Variants in CSF3R observed in about 807,000 individuals in gnomAD.
The protein encoded by CSF3R is granulocyte colony-stimulating factor receptor.
A neutral mutation model predicts 84.4 loss-of-function variants in CSF3R; 52 were observed. The ratio of observed to expected loss-of-function variants is 0.62; its 90% CI spans 0.49 to 0.78. The LOEUF is 0.78. CSF3R is among the 30% of genes least tolerant of loss of function. The pLI, the probability that CSF3R is intolerant of heterozygous loss-of-function variation, is 0.00. For synonymous variants in CSF3R, 384 were observed against 429.1 expected, an observed-to-expected ratio of 0.89 and a Z score of 1.30; for missense variants, 890 against 1,055.7, an observed-to-expected ratio of 0.84 and a Z score of 2.17.
At chr1:36,475,746 A>T in intron 3 of CSF3R, 73 bp from the exon 4 acceptor site, 1 of 1,428,158 alleles carries the variant, frequency 7.0e-7, no homozygotes, top group Non-Finnish European at 9.5e-7. Flanking sequence ...AGGCCTTTGT[A>T]CTCCTAGACT....
chr1:36,478,046 C>T (rs920292132), intron 3 of CSF3R, among the ~76,000 whole-genome samples: 1 of 152,020 alleles, frequency 6.6e-6, no homozygotes, highest in Non-Finnish European at 1.5e-5. Flanking sequence ...GCGTGAGCCA[C>T]CGCGCCCGGC....
chr1:36,476,029 A>G (rs188530141), intron 3 of CSF3R: 4 of 222,310 alleles, frequency 1.8e-5, no homozygotes, highest in Admixed American at 1.0e-4. Flanking sequence ...AGTTTTTGCA[A>G]GCCAGCACCA....
Position 36,467,432 on chromosome 1 carries a change from G to A in CSF3R, c.1959-121C>T. 2 of 1,402,860 alleles carry A rather than the reference G, an allele frequency of 1.4e-6. No homozygotes were observed. Among genetic ancestry groups the A allele is most frequent in the South Asian group, 1.2e-5 (1 of 86,614 alleles). The allele number at this position is 1,402,860 out of a possible 1,614,324, so 86.9% of individuals were successfully genotyped here. A position where few individuals can be genotyped will look rare whatever the true frequency, so the allele number is the denominator to read the frequency against. On this transcript the variant is annotated intron_variant, in intron 15 of 16. Transcript: ENST00000373106. This position sits in a 1 kb window ranked among gnomAD's most constrained non-coding sequence, Gnocchi z 4.1. ...TTAGTGCAGAGAGAAGAAGCTGGGG[G>A]CTGGGACTCTCAGACATGGGCCCCA...
chr1:36,468,065 A>G lies in CSF3R; in HGVS notation c.1723+10T>C, dbSNP rs752113001. On this transcript the variant is annotated intron_variant, in intron 13 of 16. Transcript: ENST00000373106. ...TTCTGGGGCTGTGGGGGAACTGAGG[A>G]TAGACTCACAGAAGGACTGGTTCTG... 2 of 1,614,232 alleles carry G rather than the reference A, an allele frequency of 1.2e-6. No individual in the cohort carries two copies. The highest frequency in any genetic ancestry group is 1.7e-6 in the Non-Finnish European group (2 of 1,180,036).
Position 36,475,270 on chromosome 1 carries a change from G to T in CSF3R, c.361+107C>A. 3 of 1,401,884 alleles carry T rather than the reference G, an allele frequency of 2.1e-6. No individual in the cohort carries two copies. The South Asian group carries it at 3.5e-5, about 16-fold the overall frequency. 86.8% of individuals were successfully genotyped at this position (1,401,884 alleles called of 1,614,324 possible). On this transcript the variant is annotated intron_variant, in intron 4 of 16. Coordinates refer to ENST00000373106, the MANE Select transcript of CSF3R (RefSeq NM_000760.4). ...GATCCGCCTGCCTCGGCCTCCCAAA[G>T]TGCTGGGAATACAGGCGTGAGCCAA...
intron 3 of CSF3R, chr1:36,479,032 G>A: frequency 2.9e-6 from 1 of 342,890 alleles, no homozygotes; most frequent in South Asian, 2.4e-5. Flanking sequence ...TCAAGACAGA[G>A]TTTCCATGGT....
In CSF3R at chr1:36,472,747, C is replaced by T. The variant is rs937425702; in HGVS notation, c.674-61G>A. ...CCCACCCTAGAGGGCTCTGCCTTAG[C>T]TCCCTCTTGTCTCCCTGTCTGTGGT... On this transcript the variant is annotated intron_variant, in intron 6 of 16. Coordinates refer to ENST00000373106, the MANE Select transcript of CSF3R (RefSeq NM_000760.4). The surrounding 1 kb of genome is among the most constrained non-coding windows in gnomAD (Gnocchi z 5.0). 7 of 1,464,182 alleles carry T rather than the reference C, an allele frequency of 4.8e-6. No individual in the cohort carries two copies. The Admixed American group carries it at 7.9e-5, about 16-fold the overall frequency. 90.7% of individuals were successfully genotyped at this position (1,464,182 alleles called of 1,614,324 possible).
intron 6 of CSF3R, chr1:36,473,053 T>G: frequency 2.5e-6 from 1 of 399,732 alleles, no homozygotes. Flanking sequence ...TTCTCCTCCT[T>G]TAATTTCTCC....
chr1:36,467,982 A>G lies in CSF3R; in HGVS notation c.1724-20T>C, dbSNP rs1441771492. ...TGGCGGCTGGGAGGGGTGTACGGTCAGCATAGGCCTGGATGGTAAAGCTGC... is the reference window on the plus strand; with the variant it reads ...TGGCGGCTGGGAGGGGTGTACGGTCGGCATAGGCCTGGATGGTAAAGCTGC... On this transcript the variant is annotated intron_variant, in intron 13 of 16. Transcript: ENST00000373106. The surrounding 1 kb of genome is among the most constrained non-coding windows in gnomAD (Gnocchi z 4.1). The G allele has an allele frequency of 3.7e-6, 6 of 1,614,108 alleles. No homozygotes were observed. Among genetic ancestry groups the G allele is most frequent in the African/African-American group, 1.3e-5 (1 of 74,940 alleles).
At position 36,469,818 on chromosome 1, in the gene CSF3R, A is replaced by G. The variant is rs778098798; in HGVS notation, c.1308T>C (p.His436=). Residue 436 remains histidine, a synonymous_variant, in exon 11 of 17, where the codon CAT becomes CAC. Coordinates refer to ENST00000373106, the MANE Select transcript of CSF3R (RefSeq NM_000760.4). ...ESRGPALTRL[H]AMARDPHSLW... ...GGCTGTGAGGGTCTCGGGCCATGGC[A>G]TGGAGTCTGGTCAGAGCTGGGCCTG... is the stretch of plus-strand genomic sequence containing the variant. The G allele has an allele frequency of 1.1e-5, 17 of 1,614,092 alleles. No homozygotes were observed. Among genetic ancestry groups the G allele is most frequent in the South Asian group, 8.8e-5 (8 of 91,084 alleles).
chr1:36,473,602 G>T lies in CSF3R; in HGVS notation c.506C>A (p.Thr169Asn), dbSNP rs772135739. Residue 169 changes from threonine (T) to asparagine (N), a missense_variant, in exon 6 of 17, where the codon ACC (threonine) becomes AAC (asparagine). Coordinates refer to ENST00000373106, the MANE Select transcript of CSF3R (RefSeq NM_000760.4). ...GCAGTCCAGGATGGAGTCCCCTTGG[G>T]TCTGACAGTTGCCCCGGCTCCTGCC... ...KSFKSRGNCQ[T>N]QGDSILDCVP... 6.2e-7 allele frequency: 1 copy of T among 1,614,066 alleles called. No homozygotes were observed. Among genetic ancestry groups the T allele is most frequent in the Non-Finnish European group, 8.5e-7 (1 of 1,180,050 alleles).
chr1:36,479,049 C>T, intron 3 of CSF3R: 1 of 349,464 alleles, frequency 2.9e-6, no homozygotes, highest in South Asian at 2.4e-5. Flanking sequence ...TGGTTGGAAA[C>T]CAAGCTCTGC....
Position 36,472,742 on chromosome 1 carries a change from CT to C in CSF3R, c.674-57del, listed in dbSNP as rs1650856312. 1 of 1,473,218 alleles carries C rather than the reference CT, an allele frequency of 6.8e-7. No individual in the cohort carries two copies. Among genetic ancestry groups the C allele is most frequent in the African/African-American group, 1.4e-5 (1 of 70,772 alleles). The allele number at this position is 1,473,218 out of a possible 1,614,324, so 91.3% of individuals were successfully genotyped here. A position where few individuals can be genotyped will look rare whatever the true frequency, so the allele number is the denominator to read the frequency against. On this transcript the variant is annotated intron_variant, in intron 6 of 16. Coordinates refer to ENST00000373106, the MANE Select transcript of CSF3R (RefSeq NM_000760.4). This position sits in a 1 kb window ranked among gnomAD's most constrained non-coding sequence, Gnocchi z 5.0. ...CCTATCCCACCCTAGAGGGCTCTGC[CT>C]TAGCTCCCTCTTGTCTCCCTGTCTG...
At chr1:36,475,203 C>T (rs923235538) in intron 4 of CSF3R, among the ~76,000 whole-genome samples, 174 bp downstream of exon 4, 28 of 152,206 alleles carry the variant, frequency 1.8e-4, no homozygotes, top group African/African-American at 6.0e-4. Flanking sequence ...GGCGGGGTTT[C>T]GCCTTGCTGG....
chr1:36,474,468 G>A (rs1026564593), intron 4 of CSF3R, among the ~76,000 whole-genome samples: 1 of 146,508 alleles, frequency 6.8e-6, no homozygotes, highest in Admixed American at 7.0e-5. Context: ...CGTGATCTCG[G>A]CTCACTCGGC....
Position 36,473,596 on chromosome 1 carries a change from C to T in CSF3R, c.512G>A (p.Gly171Glu), listed in dbSNP as rs1424156877. 13 of 1,614,000 alleles carry T rather than the reference C, an allele frequency of 8.1e-6. No individual in the cohort carries two copies. The highest frequency in any genetic ancestry group is 1.0e-5 in the Non-Finnish European group (12 of 1,180,054). The change falls in exon 6 of 17, where the codon GGG becomes GAG. Residue 171 changes from glycine (G) to glutamate (E), a missense_variant. Physicochemically the swap from Gly to Glu is moderately conservative, Grantham distance 98. Transcript: ENST00000373106. ...FKSRGNCQTQGDSILDCVPKD... is the reference protein window; with the variant it reads ...FKSRGNCQTQEDSILDCVPKD... ...GGGCACGCAGTCCAGGATGGAGTCC[C>T]CTTGGGTCTGACAGTTGCCCCGGCT...
At chr1:36,482,588 T>C (rs531889336) in intron 1 of CSF3R, among the ~76,000 whole-genome samples, 3 of 152,216 alleles carry the variant, frequency 2.0e-5, no homozygotes, top group African/African-American at 4.8e-5. Flanking sequence ...CCCAAGGAGA[T>C]ACTTGGCTGT....
chr1:36,466,580 C>T lies in CSF3R; in HGVS notation c.2288G>A (p.Gly763Glu), dbSNP rs766508454. The T allele has an allele frequency of 1.9e-6, 3 of 1,611,724 alleles. No homozygotes were observed. The East Asian group carries it at 6.7e-5, about 36-fold the overall frequency. ...GTCACAGCGGAGATAGTGCCCTGGCCCTGGGCTTGTGGGGCTGCCCAGCAG... is the reference window on the plus strand; with the variant it reads ...GTCACAGCGGAGATAGTGCCCTGGCTCTGGGCTTGTGGGGCTGCCCAGCAG... ...GQLLGSPTSP[G>E]PGHYLRCDST... The change falls in exon 17 of 17, where the codon GGG (glycine) becomes GAG (glutamate). Residue 763 changes from glycine to glutamate, a missense_variant. Transcript: ENST00000373106. This position sits in a 1 kb window ranked among gnomAD's most constrained non-coding sequence, Gnocchi z 4.6.
At chr1:36,477,038 A>G (rs569619860) in intron 3 of CSF3R, 4 of 152,042 alleles carry the variant, frequency 2.6e-5, no homozygotes, top group African/African-American at 7.2e-5. Context: ...ACGCTTAGGC[A>G]TCTTGAAGAA....
Sources: gnomAD v4.1 joint callset for allele counts (sites outside exome capture counted in the v4.1 genomes callset) on GRCh38, gnomAD v4.1.1 for gene constraint, Gnocchi (gnomAD v3.1) non-coding constraint, MANE v1.5 for transcripts, NCBI Gene and HGNC (gene_info 2026-07-23, HGNC 2026-07-21) for gene names.